Variants in CDKL4 observed in about 807,000 individuals in gnomAD.
CDKL4 encodes cyclin-dependent kinase-like 4.
In CDKL4, 44 loss-of-function variants were observed where a neutral mutation model predicts 42.0. The observed-to-expected ratio is 1.05, with a 90% CI of 0.82 to 1.35. The LOEUF is 1.35. CDKL4 is among the 40% of genes most tolerant of loss of function. The pLI is 0.00. For missense variants in CDKL4, 393 were observed against 369.9 expected (o/e 1.06, Z -0.51); for synonymous variants, 120 against 121.6 (o/e 0.99, Z 0.09).
chr2:39,213,587 G>C, intron 3 of CDKL4, 115 bp from the exon 4 acceptor site: 1 of 541,114 alleles, frequency 1.8e-6, no homozygotes, highest in East Asian at 2.9e-5. Flanking sequence ...ACACCATGCG[G>C]AAGGGTCCTA....
In CDKL4 at chr2:39,184,761, G is replaced by A. The variant is rs1328385470; in HGVS notation, c.736-114C>T. 1.0e-5 allele frequency: 7 copies of A among 671,032 alleles called. No individual in the cohort carries two copies. The East Asian group carries it at 2.0e-4, about 20-fold the overall frequency. 41.6% of individuals were successfully genotyped at this position (671,032 alleles called of 1,614,324 possible). A position where few individuals can be genotyped will look rare whatever the true frequency, so the allele number is the denominator to read the frequency against. On this transcript the variant is annotated intron_variant, in intron 7 of 9. Coordinates refer to ENST00000451199, the Ensembl canonical transcript of CDKL4. ...GTGTGTGTGTGTATTTAGAGATACT[G>A]TCTCCCTCTATCTCCCAGGCTGCAG...
At chr2:39,197,448 A>G (rs557923760) in intron 5 of CDKL4, among the ~76,000 whole-genome samples, 1 of 152,280 alleles carries the variant, frequency 6.6e-6, no homozygotes, top group African/African-American at 2.4e-5. Flanking sequence ...CTTGCTAGAG[A>G]TCTAGACATC....
downstream of CDKL4, among the ~76,000 whole-genome samples, chr2:39,174,261 C>A (rs935124941): frequency 6.6e-6 from 1 of 151,884 alleles, no homozygotes; most frequent in Admixed American, 6.6e-5. Flanking sequence ...TAAAAATTAG[C>A]CAGGTGTGGT....
intron 3 of CDKL4, among the ~76,000 whole-genome samples, chr2:39,220,895 C>T: frequency 7.9e-6 from 1 of 127,118 alleles, no homozygotes; most frequent in South Asian, 2.8e-4. Flanking sequence ...CCCAACTCTT[C>T]TTTATGCTGT....
chr2:39,216,294 G>A (rs1677911588), intron 3 of CDKL4, among the ~76,000 whole-genome samples: 1 of 152,170 alleles, frequency 6.6e-6, no homozygotes, highest in African/African-American at 2.4e-5. Context: ...AAAGAGGGAA[G>A]AGGTGCAGAA....
At chr2:39,239,148 A>G (rs182190067) in intron 1 of CDKL4, among the ~76,000 whole-genome samples, 2 of 152,344 alleles carry the variant, frequency 1.3e-5, no homozygotes, top group Admixed American at 1.3e-4. Context: ...CATATGCAAA[A>G]CAAACAACAA....
At chr2:39,195,347 G>T (rs901983248) in intron 5 of CDKL4, among the ~76,000 whole-genome samples, 34 of 152,266 alleles carry the variant, frequency 2.2e-4, no homozygotes, top group African/African-American at 8.2e-4. Flanking sequence ...ATCATACAGT[G>T]ATTCTATGTT....
At chr2:39,245,850 G>T (rs1679893298), upstream of CDKL4, among the ~76,000 whole-genome samples, 1 of 152,188 alleles carries the variant, frequency 6.6e-6, no homozygotes, top group African/African-American at 2.4e-5. Flanking sequence ...AGCAGCTATG[G>T]ATCAGAGGCC....
intron 3 of CDKL4, among the ~76,000 whole-genome samples, chr2:39,220,697 G>A (rs1678251902): frequency 6.6e-6 from 1 of 151,582 alleles, no homozygotes. Context: ...AAGCAATTCT[G>A]TCTCAGCCTC....
At chr2:39,246,749 C>CT (rs140188399), upstream of CDKL4, among the ~76,000 whole-genome samples, 1,376 of 146,898 alleles carry the variant, frequency 9.4e-3, 9 homozygotes, top group African/African-American at 0.015. Context: ...CCTCTTGTAC[C>CT]TTTTTTTTTT....
chr2:39,221,170 C>G (rs145982321), intron 3 of CDKL4, among the ~76,000 whole-genome samples: 1 of 151,274 alleles, frequency 6.6e-6, no homozygotes, highest in African/African-American at 2.4e-5. Context: ...CCCGCCACCA[C>G]GCCTGGCTAA....
At chr2:39,173,805 T>C (rs1572930392), downstream of CDKL4, among the ~76,000 whole-genome samples, 2 of 78,006 alleles carry the variant, frequency 2.6e-5, no homozygotes, top group Non-Finnish European at 5.3e-5. Context: ...AGAGTGAGAC[T>C]CCATCTCAAA....
At position 39,202,764 on chromosome 2, in the gene CDKL4, T is replaced by C. The variant is rs60143052; in HGVS notation, c.454+1763A>G. Among the ~76,000 whole-genome samples, 205 of 152,302 alleles carry C rather than the reference T, an allele frequency of 1.3e-3. 3 individuals carry two copies. The East Asian group carries it at 0.021, about 15-fold the overall frequency. The stretch of plus-strand genomic sequence containing the variant: ...TGTGGATATCCAGTAGGAGCTTACA[T>C]TTTTATGTGGATGTCTATTGAGCCA... On this transcript the variant is annotated intron_variant, in intron 5 of 9. Transcript: ENST00000451199.
Position 39,239,401 on chromosome 2 carries a change from C to A in CDKL4, c.-57+4470G>T, listed in dbSNP as rs76137528. Among the ~76,000 whole-genome samples, 1,255 of 152,224 alleles carry A rather than the reference C, an allele frequency of 8.2e-3. 27 individuals are homozygous for A. The highest frequency in any genetic ancestry group is 0.025 in the African/African-American group (1,057 of 41,528). Reference sequence around the variant, plus strand: ...TCTTTTGCTCCTCAAAAAATTTCCCCATTAAGAAAATGAAAAGCTAAGCCA... The same window carrying A: ...TCTTTTGCTCCTCAAAAAATTTCCCAATTAAGAAAATGAAAAGCTAAGCCA... On this transcript the variant is annotated intron_variant, in intron 1 of 9. Coordinates refer to ENST00000451199, the Ensembl canonical transcript of CDKL4.
intron 4 of CDKL4, among the ~76,000 whole-genome samples, chr2:39,205,579 T>G (rs1677113214): frequency 6.6e-6 from 1 of 150,930 alleles, no homozygotes; most frequent in South Asian, 2.1e-4. Flanking sequence ...GCCAACACGG[T>G]GAAACCCCGT....
chr2:39,188,647 T>A (rs999463242), intron 6 of CDKL4, among the ~76,000 whole-genome samples: 1 of 143,212 alleles, frequency 7.0e-6, no homozygotes. Context: ...TTTAATCTCA[T>A]AAATGAGATT....
chr2:39,233,667 T>A (rs1679207333), intron 1 of CDKL4, among the ~76,000 whole-genome samples: 2 of 151,776 alleles, frequency 1.3e-5, no homozygotes, highest in South Asian at 4.1e-4. Context: ...CCATACATGC[T>A]ATTATTGTCA....
intron 1 of CDKL4, among the ~76,000 whole-genome samples, chr2:39,238,604 T>C (rs1041542861): frequency 2.6e-5 from 4 of 152,212 alleles, no homozygotes; most frequent in African/African-American, 9.7e-5. Context: ...TAAAAATTTA[T>C]CTTAAATTTG....
At chr2:39,198,584 A>G (rs185155335) in intron 5 of CDKL4, among the ~76,000 whole-genome samples, 4 of 152,196 alleles carry the variant, frequency 2.6e-5, no homozygotes, top group African/African-American at 7.2e-5. Flanking sequence ...TAGACCATAT[A>G]ATAGGCCACA....
Sources: allele counts gnomAD v4.1 joint callset (sites outside exome capture counted in the v4.1 genomes callset), GRCh38; gene constraint gnomAD v4.1.1; transcripts MANE v1.5; gene names NCBI Gene and HGNC (gene_info 2026-07-23, HGNC 2026-07-21).